Variants in CWC27 observed in about 807,000 individuals in gnomAD.
CWC27 encodes spliceosome-associated protein CWC27 homolog.
CWC27 carries 47 observed loss-of-function variants against 63.6 expected under a neutral mutation model. That is an observed-to-expected ratio of 0.74 (90% confidence interval 0.58 to 0.94). The LOEUF is 0.94. CWC27 is among the 40% of genes least tolerant of loss of function. The probability of loss-of-function intolerance (pLI) is 0.00; values close to 1 mark genes in which losing one functional copy is unlikely to be tolerated. For synonymous variants in CWC27, 175 were observed against 179.8 expected (o/e 0.97, Z 0.22); for missense variants, 495 against 554.3 (o/e 0.89, Z 1.07).
At chr5:64,977,359 C>T in intron 13 of CWC27, 121 bp downstream of exon 13, 1 of 602,014 alleles carries the variant, frequency 1.7e-6, no homozygotes, top group Non-Finnish European at 2.8e-6. Context: ...CATTATAGGA[C>T]CTCGGCAACT....
chr5:64,991,470 A>G (rs1175610728), intron 13 of CWC27, among the ~76,000 whole-genome samples: 5 of 152,258 alleles, frequency 3.3e-5, no homozygotes, highest in Non-Finnish European at 7.3e-5. Context: ...CACGCCTGTA[A>G]TCCCAGCACT....
Position 64,827,227 on chromosome 5 carries a change from G to A in CWC27, c.938+22841G>A, listed in dbSNP as rs183210846. 9.9e-5 allele frequency among the ~76,000 whole-genome samples: 15 copies of A among 152,176 alleles called. No individual in the cohort carries two copies. In the East Asian group the frequency reaches 2.9e-3, roughly 29 times the overall value. On this transcript the variant is annotated intron_variant, in intron 10 of 13. Transcript: ENST00000381070. Reference sequence around the variant, plus strand: ...AGTAGGAAAATGGAGTAGATAATCTGTTTAAGTTTCAATGAATTGAGAATA... The same window carrying A: ...AGTAGGAAAATGGAGTAGATAATCTATTTAAGTTTCAATGAATTGAGAATA...
At chr5:64,846,070 T>C (rs1745969206) in intron 10 of CWC27, among the ~76,000 whole-genome samples, 1 of 152,196 alleles carries the variant, frequency 6.6e-6, no homozygotes, top group African/African-American at 2.4e-5. Context: ...GAGAGTGGCA[T>C]AATATAATTG....
At chr5:64,937,921 C>CTTTTTTTTTTTTTTTTTTTTTTTTTTTTT (rs1211082437) in intron 11 of CWC27, among the ~76,000 whole-genome samples, 5 of 99,320 alleles carry the variant, frequency 5.0e-5, no homozygotes, top group African/African-American at 1.8e-4. Context: ...GCAATCTCTG[C>CTTTTTTTTTTTTTTTTTTTTTTTTTTTTT]TTTTTTTTTT....
intron 11 of CWC27, among the ~76,000 whole-genome samples, chr5:64,934,595 T>C (rs917938622): frequency 6.6e-6 from 1 of 152,204 alleles, no homozygotes; most frequent in Non-Finnish European, 1.5e-5. Context: ...TAGAATGATT[T>C]ATAATCTGTT....
At chr5:64,791,546 C>G (rs1744081070) in intron 7 of CWC27, among the ~76,000 whole-genome samples, 1 of 151,878 alleles carries the variant, frequency 6.6e-6, no homozygotes, top group East Asian at 1.9e-4. Flanking sequence ...AAAATTACAA[C>G]CCAAATACCG....
At position 64,774,676 on chromosome 5, in the gene CWC27, A is replaced by G; in HGVS notation, c.43-15A>G. The G allele has an allele frequency of 1.4e-6, 2 of 1,437,108 alleles. No homozygotes were observed. The highest frequency in any genetic ancestry group is 1.9e-6 in the Non-Finnish European group (2 of 1,056,768). 89.0% of individuals were successfully genotyped at this position (1,437,108 alleles called of 1,614,324 possible). ...CAAAATAATAATTTAATAAAATGTA[A>G]TATTCTTTCTACAGGTTTTATTGAA... On this transcript the variant is annotated splice_polypyrimidine_tract_variant and intron_variant, in intron 1 of 13. Transcript: ENST00000381070.
chr5:64,917,621 C>T (rs550082918), intron 11 of CWC27, among the ~76,000 whole-genome samples: 21 of 149,328 alleles, frequency 1.4e-4, no homozygotes, highest in East Asian at 9.6e-4. Context: ...GGCCCTCATC[C>T]AATCAATTGA....
chr5:64,850,527 T>C (rs1346176038), intron 10 of CWC27, among the ~76,000 whole-genome samples: 1 of 152,130 alleles, frequency 6.6e-6, no homozygotes, highest in Non-Finnish European at 1.5e-5. Context: ...TATTTTGGAT[T>C]TGACAAGAGG....
intron 11 of CWC27, among the ~76,000 whole-genome samples, chr5:64,937,561 T>G (rs1748382583): frequency 6.6e-6 from 1 of 152,240 alleles, no homozygotes; most frequent in Non-Finnish European, 1.5e-5. Flanking sequence ...GAGAAGAATG[T>G]ATATTCTGTT....
At chr5:64,956,178 T>C (rs1009732691) in intron 11 of CWC27, among the ~76,000 whole-genome samples, 2 of 152,132 alleles carry the variant, frequency 1.3e-5, no homozygotes, top group Non-Finnish European at 2.9e-5. Flanking sequence ...AATAATTAGG[T>C]ATAGGAATAT....
At chr5:64,888,277 C>G (rs549340572) in intron 11 of CWC27, among the ~76,000 whole-genome samples, 105 of 145,580 alleles carry the variant, frequency 7.2e-4, no homozygotes, top group Non-Finnish European at 1.3e-3. Flanking sequence ...ATATAATTAA[C>G]TAAATATATA....
intron 11 of CWC27, among the ~76,000 whole-genome samples, chr5:64,940,680 C>T (rs1305674749): frequency 1.3e-5 from 2 of 151,982 alleles, no homozygotes; most frequent in South Asian, 2.1e-4. Flanking sequence ...TTCCTTTGTT[C>T]TCCATTTATT....
At position 64,820,395 on chromosome 5, in the gene CWC27, T is replaced by TTTG. The variant is rs35631244; in HGVS notation, c.938+16027_938+16029dup. 5.6e-4 allele frequency among the ~76,000 whole-genome samples: 85 copies of TTTG among 151,742 alleles called. 1 individual carries two copies. The highest frequency in any genetic ancestry group is 3.4e-3 in the Middle Eastern group (1 of 294). ...ACATCACTCAAGTTCTGTTTAACTTTTTGTTGTTGTTGTTGTTGTTATATT... is the reference window on the plus strand; with the variant it reads ...ACATCACTCAAGTTCTGTTTAACTTTTTGTTGTTGTTGTTGTTGTTGTTATATT... On this transcript the variant is annotated intron_variant, in intron 10 of 13. Coordinates refer to ENST00000381070, the MANE Select transcript of CWC27 (RefSeq NM_005869.4).
At chr5:65,013,061 T>TA (rs1374373631) in intron 13 of CWC27, among the ~76,000 whole-genome samples, 1 of 151,592 alleles carries the variant, frequency 6.6e-6, no homozygotes, top group Non-Finnish European at 1.5e-5. Flanking sequence ...TTTAAACAAA[T>TA]AAAAAATAAA....
intron 13 of CWC27, 76 bp from the exon 14 acceptor site, chr5:65,018,083 G>T (rs1228162226): frequency 1.6e-6 from 2 of 1,259,084 alleles, no homozygotes; most frequent in Non-Finnish European, 2.2e-6. Context: ...TCATTATGTC[G>T]ATGATAGTAG....
In CWC27 at chr5:64,893,119, G is replaced by C. The variant is rs546758842; in HGVS notation, c.1042+7573G>C. Among the ~76,000 whole-genome samples, 220 of 152,270 alleles carry C rather than the reference G, an allele frequency of 1.4e-3. 1 individual carries two copies. The highest frequency in any genetic ancestry group is 4.9e-3 in the African/African-American group (202 of 41,562). Reference sequence around the variant, plus strand: ...CGTGTTTTATTGTTTTGTTTTGTTTGGATATTTAGATTGTCTCCAGAGAGG... The same window carrying C: ...CGTGTTTTATTGTTTTGTTTTGTTTCGATATTTAGATTGTCTCCAGAGAGG... On this transcript the variant is annotated intron_variant, in intron 11 of 13. Coordinates refer to ENST00000381070, the MANE Select transcript of CWC27 (RefSeq NM_005869.4).
intron 11 of CWC27, among the ~76,000 whole-genome samples, chr5:64,962,789 A>T (rs952190360): frequency 6.6e-6 from 1 of 152,186 alleles, no homozygotes; most frequent in African/African-American, 2.4e-5. Flanking sequence ...GGTGCCTAGG[A>T]TTCCTATGGA....
intron 13 of CWC27, among the ~76,000 whole-genome samples, chr5:64,994,577 A>G (rs144579274): frequency 1.1e-4 from 16 of 152,324 alleles, no homozygotes; most frequent in Admixed American, 8.5e-4. Flanking sequence ...TTATACACCA[A>G]TATAAACACC....
Sources: gnomAD v4.1 joint callset for allele counts (sites outside exome capture counted in the v4.1 genomes callset) on GRCh38, gnomAD v4.1.1 for gene constraint, MANE v1.5 for transcripts, NCBI Gene and HGNC (gene_info 2026-07-23, HGNC 2026-07-21) for gene names.